CDH13: variants seen among roughly 807,000 people sequenced by gnomAD.
CDH13 encodes cadherin 13.
In CDH13, 24 loss-of-function variants were observed where a neutral mutation model predicts 63.8. The ratio of observed to expected loss-of-function variants is 0.38; its 90% CI spans 0.27 to 0.53. CDH13 has a LOEUF of 0.53. Ranked by LOEUF, CDH13 falls within the 20% of genes least tolerant of loss-of-function variation. The probability of loss-of-function intolerance (pLI) is 0.85; values close to 1 mark genes in which losing one functional copy is unlikely to be tolerated. For missense variants in CDH13, 1,049 were observed against 903.1 expected (o/e 1.16, Z -2.07); for synonymous variants, 503 against 355.3 (o/e 1.42, Z -4.67).
At chr16:82,703,984 G>A (rs2031272476) in intron 1 of CDH13, among the ~76,000 whole-genome samples, 1 of 152,128 alleles carries the variant, frequency 6.6e-6, no homozygotes, top group Non-Finnish European at 1.5e-5. Context: ...GTGTTTTCAA[G>A]GCTTCGGTTT....
intron 2 of CDH13, among the ~76,000 whole-genome samples, chr16:82,977,564 G>C (rs1247531342): frequency 6.6e-6 from 1 of 152,110 alleles, no homozygotes; most frequent in African/African-American, 2.4e-5. Context: ...AGAAGGACAT[G>C]TTTGTTTCCC....
intron 5 of CDH13, among the ~76,000 whole-genome samples, chr16:83,289,430 A>G (rs761154782): frequency 6.6e-6 from 1 of 152,140 alleles, no homozygotes; most frequent in Non-Finnish European, 1.5e-5. Context: ...CCCAGGCTCC[A>G]CTTTAGTGTG....
intron 10 of CDH13, among the ~76,000 whole-genome samples, chr16:83,690,670 G>T (rs908753334): frequency 2.6e-5 from 4 of 152,170 alleles, no homozygotes; most frequent in African/African-American, 9.7e-5. Flanking sequence ...ATGGGTCTGG[G>T]CAGGGATGGT....
intron 5 of CDH13, among the ~76,000 whole-genome samples, chr16:83,248,693 ATC>A (rs1286046761): frequency 6.6e-6 from 1 of 151,968 alleles, no homozygotes; most frequent in African/African-American, 2.4e-5. Flanking sequence ...TCTCCTTCTA[ATC>A]TTAACTGAGC....
At chr16:82,747,714 C>G (rs1388216090) in intron 1 of CDH13, among the ~76,000 whole-genome samples, 1 of 152,152 alleles carries the variant, frequency 6.6e-6, no homozygotes, top group African/African-American at 2.4e-5. Context: ...AATCCACTTA[C>G]AAATTAGTCT....
intron 2 of CDH13, among the ~76,000 whole-genome samples, chr16:83,009,916 C>G (rs139710161): frequency 0.033 from 5,092 of 152,040 alleles, 112 homozygotes; most frequent in Non-Finnish European, 0.045. Flanking sequence ...GGTGGATCAC[C>G]TGAGGTCGGG....
intron 4 of CDH13, among the ~76,000 whole-genome samples, chr16:83,199,783 C>T (rs984550662): frequency 6.6e-5 from 10 of 152,160 alleles, no homozygotes; most frequent in Admixed American, 2.0e-4. Context: ...TCCCGAGGAC[C>T]TCAGGAATGC....
intron 1 of CDH13, among the ~76,000 whole-genome samples, chr16:82,737,288 C>G (rs975879228): frequency 6.6e-6 from 1 of 152,198 alleles, no homozygotes; most frequent in East Asian, 1.9e-4. Context: ...AGATGGAGCC[C>G]TCTCCCATGT....
chr16:82,858,568 C>A (rs937880972), intron 2 of CDH13, 95 bp downstream of exon 2: 2 of 860,552 alleles, frequency 2.3e-6, no homozygotes, highest in Non-Finnish European at 3.9e-6. Flanking sequence ...ATTTCCTAAA[C>A]TAAGTGTTTT....
At chr16:83,089,699 A>G (rs1265893405) in intron 3 of CDH13, among the ~76,000 whole-genome samples, 2 of 152,298 alleles carry the variant, frequency 1.3e-5, no homozygotes, top group African/African-American at 4.8e-5. Flanking sequence ...CTGAATGTTT[A>G]TTTGCCATGG....
In CDH13 at chr16:82,912,759, C is replaced by T. The variant is rs569993574; in HGVS notation, c.157+54286C>T. 2.6e-3 allele frequency among the ~76,000 whole-genome samples: 393 copies of T among 152,142 alleles called. 2 individuals are homozygous for T. The highest frequency in any genetic ancestry group is 8.1e-3 in the African/African-American group (335 of 41,510). On this transcript the variant is annotated intron_variant, in intron 2 of 13. Coordinates refer to ENST00000567109, the MANE Select transcript of CDH13 (RefSeq NM_001257.5). ...GAGATCGAAACCATCCTGGCTAATA[C>T]GGTGAAACCCCGTCTCTACTAAAAA...
intron 3 of CDH13, among the ~76,000 whole-genome samples, chr16:83,048,798 A>G (rs2029934790): frequency 6.6e-6 from 1 of 152,032 alleles, no homozygotes; most frequent in African/African-American, 2.4e-5. Flanking sequence ...CTCCTCTGTG[A>G]ATCCTCCCCC....
intron 1 of CDH13, among the ~76,000 whole-genome samples, chr16:82,721,366 C>G (rs1395752993): frequency 6.6e-6 from 1 of 151,924 alleles, no homozygotes; most frequent in Non-Finnish European, 1.5e-5. Flanking sequence ...CCCAAAGAAA[C>G]CAGTTGGGAA....
intron 5 of CDH13, among the ~76,000 whole-genome samples, chr16:83,332,943 C>G (rs2090509529): frequency 6.6e-6 from 1 of 152,116 alleles, no homozygotes; most frequent in Non-Finnish European, 1.5e-5. Context: ...ATTTCAAATT[C>G]ATAAAGGAAA....
chr16:83,505,916 C>G (rs2074384990), intron 7 of CDH13, among the ~76,000 whole-genome samples: 2 of 152,148 alleles, frequency 1.3e-5, no homozygotes, highest in Admixed American at 6.5e-5. Flanking sequence ...CAGCATGTTC[C>G]TTCCTTCAAC....
At chr16:82,963,216 C>CA (rs397775475) in intron 2 of CDH13, among the ~76,000 whole-genome samples, 31,361 of 132,126 alleles carry the variant, frequency 0.24, 3,550 homozygotes, top group African/African-American at 0.33. Context: ...ACTAAAAATA[C>CA]AAAAAAAAAA....
intron 5 of CDH13, among the ~76,000 whole-genome samples, chr16:83,313,434 A>C (rs2090040937): frequency 6.6e-6 from 1 of 152,200 alleles, no homozygotes; most frequent in African/African-American, 2.4e-5. Context: ...ACTTTCAGCT[A>C]TCCAGAAATC....
intron 10 of CDH13, among the ~76,000 whole-genome samples, chr16:83,717,621 G>A (rs1264350344): frequency 2.6e-5 from 4 of 152,258 alleles, no homozygotes; most frequent in African/African-American, 7.2e-5. Flanking sequence ...CGGGGACGCT[G>A]TGAGCTCCTT....
intron 1 of CDH13, among the ~76,000 whole-genome samples, chr16:82,681,844 A>G (rs1393950878): frequency 1.9e-4 from 29 of 152,196 alleles, no homozygotes; most frequent in Admixed American, 1.8e-3. Context: ...ACTTCCCTGC[A>G]CTCCAGGTGG....
Sources: gnomAD v4.1 joint callset for allele counts (sites outside exome capture counted in the v4.1 genomes callset) on GRCh38, gnomAD v4.1.1 for gene constraint, MANE v1.5 for transcripts, NCBI Gene and HGNC (gene_info 2026-07-23, HGNC 2026-07-21) for gene names.